Variants in RTTN observed in about 807,000 individuals in gnomAD.
The protein encoded by RTTN is rotatin.
Under a neutral mutation model 269.2 loss-of-function variants are expected in RTTN, and 182 were observed. The observed-to-expected ratio is 0.68, with a 90% confidence interval of 0.60 to 0.76. The LOEUF is 0.76. Ranked by LOEUF, RTTN falls within the 30% of genes least tolerant of loss-of-function variation. The pLI is 0.00. For synonymous variants in RTTN, 1,006 were observed against 963.5 expected (o/e 1.04, Z -0.82); for missense variants, 2,545 against 2,608.6 (o/e 0.98, Z 0.53).
At chr18:70,032,727 G>A (rs2057053021) in intron 40 of RTTN, among the ~76,000 whole-genome samples, 1 of 152,108 alleles carries the variant, frequency 6.6e-6, no homozygotes, top group Non-Finnish European at 1.5e-5. Flanking sequence ...ATAGGGTAAC[G>A]TGGGAGACTT....
At chr18:70,076,136 CT>C (rs935981931) in intron 32 of RTTN, among the ~76,000 whole-genome samples, 3 of 151,976 alleles carry the variant, frequency 2.0e-5, no homozygotes, top group African/African-American at 7.2e-5. Context: ...CAATTTTTCT[CT>C]TTGCATTTTT....
chr18:70,045,088 C>T (rs931649214), intron 40 of RTTN, among the ~76,000 whole-genome samples: 2 of 152,140 alleles, frequency 1.3e-5, no homozygotes, highest in African/African-American at 4.8e-5. Flanking sequence ...AAGTCTGAAA[C>T]CACCTCAAAA....
intron 19 of RTTN, among the ~76,000 whole-genome samples, chr18:70,141,778 A>G (rs2060264024): frequency 6.6e-6 from 1 of 152,216 alleles, no homozygotes; most frequent in African/African-American, 2.4e-5. Flanking sequence ...ATTTAAAAAA[A>G]TAAAAATAAA....
intron 17 of RTTN, 99 bp from the exon 18 acceptor site, chr18:70,145,882 A>G (rs2060377931): frequency 1.1e-6 from 1 of 892,158 alleles, no homozygotes; most frequent in Non-Finnish European, 1.7e-6. Flanking sequence ...ACAAAGTACA[A>G]TAAGTAGTCA....
At chr18:70,081,116 T>C (rs1407156812) in intron 32 of RTTN, among the ~76,000 whole-genome samples, 1 of 152,154 alleles carries the variant, frequency 6.6e-6, no homozygotes, top group Non-Finnish European at 1.5e-5. Flanking sequence ...AAGCGGGAGC[T>C]ATGCTATGAG....
Position 70,205,679 on chromosome 18 carries a change from C to A in RTTN, c.-21G>T. 1 of 1,614,028 alleles carries A rather than the reference C, an allele frequency of 6.2e-7. No homozygotes were observed. Among genetic ancestry groups the A allele is most frequent in the Admixed American group, 1.7e-5 (1 of 60,010 alleles). On this transcript the variant is annotated 5_prime_UTR_variant, in exon 1 of 49. Transcript: ENST00000640769. ...ACCATCTCGTCCCGTCAATCTGCAG[C>A]CGCCGGAGAATTAAACTGCCGCGCC... is the stretch of plus-strand genomic sequence containing the variant.
chr18:70,029,159 G>T (rs1427881185), intron 42 of RTTN, among the ~76,000 whole-genome samples: 23 of 63,464 alleles, frequency 3.6e-4, no homozygotes, highest in Admixed American at 1.8e-3. Context: ...GGGAGGAAAA[G>T]AGGCAAAAAA....
intron 44 of RTTN, 35 bp downstream of exon 44, chr18:70,024,687 G>A (rs1313944504): frequency 6.4e-7 from 1 of 1,551,298 alleles, no homozygotes; most frequent in African/African-American, 1.4e-5. Flanking sequence ...TAGTATTTTG[G>A]TATATTATTG....
intron 42 of RTTN, 24 bp downstream of exon 42, chr18:70,029,988 C>T: frequency 6.6e-7 from 1 of 1,526,574 alleles, no homozygotes; most frequent in South Asian, 1.1e-5. Flanking sequence ...TATATATAGC[C>T]ATTCATTTAT....
intron 40 of RTTN, among the ~76,000 whole-genome samples, chr18:70,039,359 T>C (rs1340223872): frequency 2.0e-5 from 3 of 150,956 alleles, no homozygotes; most frequent in Non-Finnish European, 4.4e-5. Flanking sequence ...TATCTGGAAA[T>C]GTTACAGGTC....
At chr18:70,144,694 A>G (rs1166374383) in intron 18 of RTTN, among the ~76,000 whole-genome samples, 1 of 152,142 alleles carries the variant, frequency 6.6e-6, no homozygotes, top group Non-Finnish European at 1.5e-5. Flanking sequence ...TGGCCAGTGA[A>G]GACTCTCCAA....
At chr18:70,126,906 T>C (rs1441064551) in intron 25 of RTTN, among the ~76,000 whole-genome samples, 3 of 152,264 alleles carry the variant, frequency 2.0e-5, no homozygotes, top group African/African-American at 7.2e-5. Flanking sequence ...AAGTTATACA[T>C]TTTATACTAA....
intron 10 of RTTN, among the ~76,000 whole-genome samples, chr18:70,179,397 A>G (rs910494094): frequency 2.6e-5 from 4 of 152,190 alleles, no homozygotes; most frequent in Admixed American, 6.5e-5. Context: ...ACTTCTCAAA[A>G]TATCATAAAA....
intron 10 of RTTN, 72 bp downstream of exon 10, chr18:70,188,036 A>T: frequency 1.2e-6 from 1 of 820,076 alleles, no homozygotes; most frequent in Non-Finnish European, 2.1e-6. Flanking sequence ...TGAGACAATG[A>T]AACCGGCTTA....
intron 34 of RTTN, among the ~76,000 whole-genome samples, chr18:70,071,999 A>G (rs1023800957): frequency 1.3e-5 from 2 of 152,248 alleles, no homozygotes; most frequent in East Asian, 3.9e-4. Flanking sequence ...TAACTTCAAC[A>G]TTTTTTTATA....
At chr18:70,129,673 T>C (rs2059950920) in intron 23 of RTTN, 1 of 151,998 alleles carries the variant, frequency 6.6e-6, no homozygotes, top group Non-Finnish European at 1.5e-5. Flanking sequence ...ATGAAACTAC[T>C]AGAAGAAAAC....
chr18:70,061,817 G>A (rs1345585089), intron 35 of RTTN, among the ~76,000 whole-genome samples: 1 of 152,154 alleles, frequency 6.6e-6, no homozygotes, highest in African/African-American at 2.4e-5. Context: ...CTGGATGACA[G>A]AATGAGACCT....
At chr18:70,140,271 T>C (rs1203458649) in intron 19 of RTTN, 83 bp from the exon 20 acceptor site, 2 of 739,586 alleles carry the variant, frequency 2.7e-6, no homozygotes, top group Non-Finnish European at 4.6e-6. Context: ...AGAACTGATA[T>C]CCACACAACC....
intron 25 of RTTN, among the ~76,000 whole-genome samples, chr18:70,122,295 T>C (rs895699888): frequency 6.6e-6 from 1 of 151,878 alleles, no homozygotes. Flanking sequence ...AAAAGATTAG[T>C]AGACAATAAA....
Sources: allele counts gnomAD v4.1 joint callset (sites outside exome capture counted in the v4.1 genomes callset), GRCh38; gene constraint gnomAD v4.1.1; transcripts MANE v1.5; gene names NCBI Gene and HGNC (gene_info 2026-07-23, HGNC 2026-07-21).